NBAS: variants seen among roughly 807,000 people sequenced by gnomAD.
NBAS encodes the protein NAG/BC035112 fusion.
A neutral mutation model predicts 302.5 loss-of-function variants in NBAS; 219 were observed. That is an observed-to-expected ratio of 0.72 (90% CI 0.65 to 0.81). The LOEUF (loss-of-function observed/expected upper bound fraction) is 0.81, where lower values mean the gene tolerates loss of function less well. NBAS is among the 30% of genes least tolerant of loss of function. NBAS has a pLI of 0.00. For missense variants in NBAS, 2,932 were observed against 2,841.6 expected, an observed-to-expected ratio of 1.03 and a Z score of -0.72; for synonymous variants, 1,118 against 1,021.6, an observed-to-expected ratio of 1.09 and a Z score of -1.80.
At chr2:15,289,865 C>T (rs887469772) in intron 41 of NBAS, among the ~76,000 whole-genome samples, 11 of 152,076 alleles carry the variant, frequency 7.2e-5, no homozygotes, top group African/African-American at 2.4e-4. Context: ...GGTATGGTGG[C>T]ATGCACCTGT....
At chr2:15,003,721 C>T in the NBAS span, among the ~76,000 whole-genome samples, 1 of 152,164 alleles carries the variant, frequency 6.6e-6, no homozygotes, top group Non-Finnish European at 1.5e-5. Flanking sequence ...AACAGCTTCT[C>T]AGAAGTCATT....
intron 47 of NBAS, among the ~76,000 whole-genome samples, chr2:15,219,531 C>G (rs530370808): frequency 2.5e-4 from 33 of 133,770 alleles, no homozygotes; most frequent in East Asian, 1.5e-3. Flanking sequence ...TGACTCTTAA[C>G]GAGCATGCTG....
intron 11 of NBAS, among the ~76,000 whole-genome samples, chr2:15,502,376 G>T (rs1455829237): frequency 6.6e-6 from 1 of 152,180 alleles, no homozygotes; most frequent in African/African-American, 2.4e-5. Flanking sequence ...TAACAACAGG[G>T]AGATGTTCTG....
the NBAS span, among the ~76,000 whole-genome samples, chr2:14,915,851 T>C: frequency 6.6e-6 from 1 of 152,142 alleles, no homozygotes; most frequent in Non-Finnish European, 1.5e-5. Flanking sequence ...TGAGCCACTG[T>C]GCCTGGCCTC....
the NBAS span, among the ~76,000 whole-genome samples, chr2:15,100,647 T>C: frequency 6.6e-6 from 1 of 152,152 alleles, no homozygotes; most frequent in Admixed American, 6.5e-5. Context: ...TTTTCTAAAA[T>C]GACAAGTAGT....
At chr2:14,831,005 C>G in the NBAS span, among the ~76,000 whole-genome samples, 4 of 152,292 alleles carry the variant, frequency 2.6e-5, no homozygotes, top group South Asian at 6.2e-4. Flanking sequence ...AAGCCAGCCC[C>G]AGGACACCAT....
At chr2:14,897,591 A>G in the NBAS span, among the ~76,000 whole-genome samples, 2 of 150,782 alleles carry the variant, frequency 1.3e-5, no homozygotes, top group South Asian at 4.2e-4. Flanking sequence ...GTACTAATTC[A>G]GAAATGTGTT....
the NBAS span, among the ~76,000 whole-genome samples, chr2:14,942,765 G>A: frequency 6.6e-6 from 1 of 152,306 alleles, no homozygotes; most frequent in African/African-American, 2.4e-5. Flanking sequence ...GTCTAGTCAG[G>A]CCTGGCCCAA....
intron 11 of NBAS, among the ~76,000 whole-genome samples, chr2:15,496,436 A>C (rs1484508055): frequency 6.6e-6 from 1 of 152,012 alleles, no homozygotes; most frequent in Non-Finnish European, 1.5e-5. Context: ...TATACTAAAA[A>C]CCTCTGAATT....
At chr2:14,915,056 C>T in the NBAS span, among the ~76,000 whole-genome samples, 2 of 152,184 alleles carry the variant, frequency 1.3e-5, no homozygotes, top group Non-Finnish European at 2.9e-5. Flanking sequence ...GAGTCATCCA[C>T]ATGGACGTGG....
At chr2:15,353,243 C>T (rs779240270) in intron 34 of NBAS, among the ~76,000 whole-genome samples, 4 of 152,192 alleles carry the variant, frequency 2.6e-5, no homozygotes, top group Non-Finnish European at 5.9e-5. Context: ...ACATATTTTA[C>T]ATGACCATTT....
the NBAS span, among the ~76,000 whole-genome samples, chr2:15,107,747 C>T: frequency 1.3e-5 from 2 of 152,026 alleles, no homozygotes; most frequent in Non-Finnish European, 1.5e-5. Context: ...TGAATGTTGA[C>T]CAACGTGTAT....
chr2:14,992,270 T>C, the NBAS span, among the ~76,000 whole-genome samples: 1 of 152,208 alleles, frequency 6.6e-6, no homozygotes, highest in Admixed American at 6.5e-5. Flanking sequence ...CTCTTAATTG[T>C]AGCTAAAGGA....
chr2:15,463,877 C>G (rs1679614054), intron 19 of NBAS, among the ~76,000 whole-genome samples: 1 of 148,144 alleles, frequency 6.8e-6, no homozygotes, highest in Admixed American at 6.8e-5. Context: ...TAGAAATAAT[C>G]ATATCATTGT....
At chr2:15,022,080 G>GTGGCT in the NBAS span, among the ~76,000 whole-genome samples, 6 of 152,194 alleles carry the variant, frequency 3.9e-5, no homozygotes, top group Non-Finnish European at 8.8e-5. Flanking sequence ...GAGCCACCAT[G>GTGGCT]CAGTGGCCTC....
chr2:15,011,273 CAA>C, the NBAS span, among the ~76,000 whole-genome samples: 1 of 152,050 alleles, frequency 6.6e-6, no homozygotes, highest in Non-Finnish European at 1.5e-5. Context: ...CTTTGAACTC[CAA>C]GAGAGAGTGA....
chr2:15,451,898 T>C (rs1486135000), intron 21 of NBAS, among the ~76,000 whole-genome samples: 1 of 151,672 alleles, frequency 6.6e-6, no homozygotes, highest in African/African-American at 2.4e-5. Flanking sequence ...TTTTGCAGCA[T>C]AAACAGAAAC....
chr2:15,331,221 T>C (rs1300661680), intron 35 of NBAS, among the ~76,000 whole-genome samples: 1 of 152,194 alleles, frequency 6.6e-6, no homozygotes, highest in Non-Finnish European at 1.5e-5. Flanking sequence ...AACCTTTAAC[T>C]ATTAAAAGGC....
At chr2:15,457,995 T>C (rs191845446) in intron 21 of NBAS, among the ~76,000 whole-genome samples, 105 of 152,210 alleles carry the variant, frequency 6.9e-4, no homozygotes, top group African/African-American at 2.4e-3. Context: ...AACTTCATAA[T>C]CTCTTTTTTA....
Sources: allele counts gnomAD v4.1 joint callset (sites outside exome capture counted in the v4.1 genomes callset), GRCh38; gene constraint gnomAD v4.1.1; transcripts MANE v1.5; gene names NCBI Gene and HGNC (gene_info 2026-07-23, HGNC 2026-07-21).